The following FRY variants were observed in gnomAD, a reference collection of about 807,000 sequenced individuals.
FRY encodes protein furry homolog.
A neutral mutation model predicts 348.4 loss-of-function variants in FRY; 128 were observed. That is an observed-to-expected ratio of 0.37 (90% CI 0.32 to 0.43). The LOEUF is 0.43. Among genes scored for constraint, FRY ranks in the 20% least tolerant of loss-of-function variants. The pLI is 1.00. For missense variants in FRY, 2,736 were observed against 3,695.2 expected, an observed-to-expected ratio of 0.74 and a Z score of 6.73; for synonymous variants, 1,370 against 1,374.7, an observed-to-expected ratio of 1.00 and a Z score of 0.08.
intron 47 of FRY, among the ~76,000 whole-genome samples, chr13:32,244,917 C>T (rs1203374435): frequency 6.6e-6 from 1 of 152,158 alleles, no homozygotes; most frequent in African/African-American, 2.4e-5. Context: ...CAGGCAGCCT[C>T]CCTGGCAGGA....
intron 17 of FRY, among the ~76,000 whole-genome samples, chr13:32,167,418 G>A (rs1032463915): frequency 1.3e-5 from 2 of 152,166 alleles, no homozygotes; most frequent in Non-Finnish European, 1.5e-5. Context: ...GCTTGTAGAA[G>A]CATCACCCTG....
intron 41 of FRY, among the ~76,000 whole-genome samples, chr13:32,231,769 G>A (rs1885928098): frequency 1.3e-5 from 2 of 152,188 alleles, no homozygotes; most frequent in African/African-American, 4.8e-5. Context: ...TAAATACAGT[G>A]TGACTCCTTT....
chr13:32,122,440 T>C, intron 4 of FRY, among the ~76,000 whole-genome samples: 1 of 140,122 alleles, frequency 7.1e-6, no homozygotes, highest in African/African-American at 2.7e-5. Flanking sequence ...AGACTCCGCC[T>C]CAGAAAAAAA....
chr13:32,034,992 T>C (rs1011319551), intron 1 of FRY, among the ~76,000 whole-genome samples: 1 of 152,228 alleles, frequency 6.6e-6, no homozygotes, highest in Non-Finnish European at 1.5e-5. Context: ...TCACTCTCAG[T>C]TTCCTCATCT....
chr13:32,182,474 T>C (rs1292452805), intron 23 of FRY, among the ~76,000 whole-genome samples: 1 of 152,206 alleles, frequency 6.6e-6, no homozygotes, highest in Non-Finnish European at 1.5e-5. Context: ...TGTAAGTCAG[T>C]TTGCGGAGCA....
intron 31 of FRY, among the ~76,000 whole-genome samples, chr13:32,205,246 A>T (rs1195365058): frequency 2.0e-5 from 3 of 148,526 alleles, no homozygotes; most frequent in African/African-American, 7.4e-5. Context: ...AATGATTTTG[A>T]TACAGTATAG....
intron 1 of FRY, among the ~76,000 whole-genome samples, chr13:32,071,069 A>G (rs896984893): frequency 6.6e-6 from 1 of 152,074 alleles, no homozygotes; most frequent in African/African-American, 2.4e-5. Context: ...CCATTTGTCT[A>G]TATATCTATT....
chr13:32,194,459 G>A (rs758832207), intron 29 of FRY, among the ~76,000 whole-genome samples, 162 bp downstream of exon 29: 6 of 152,218 alleles, frequency 3.9e-5, no homozygotes, highest in Non-Finnish European at 7.3e-5. Context: ...TCCCTGTAAG[G>A]TTGCAGTTCC....
intron 14 of FRY, among the ~76,000 whole-genome samples, chr13:32,155,098 C>T (rs1244699053): frequency 6.6e-6 from 1 of 152,172 alleles, no homozygotes; most frequent in Non-Finnish European, 1.5e-5. Context: ...TCCATTCAAT[C>T]TTTGTGAGCT....
At chr13:32,048,882 T>G (rs1873170135) in intron 1 of FRY, among the ~76,000 whole-genome samples, 1 of 152,198 alleles carries the variant, frequency 6.6e-6, no homozygotes, top group African/African-American at 2.4e-5. Flanking sequence ...AGGAAGTGCC[T>G]GAGAGTCAAT....
chr13:32,234,822 A>C, intron 42 of FRY, 61 bp downstream of exon 42: 1 of 1,327,160 alleles, frequency 7.5e-7, no homozygotes, highest in Non-Finnish European at 1.1e-6. Flanking sequence ...AATGAGGTGT[A>C]AACTATTTTT....
intron 59 of FRY, among the ~76,000 whole-genome samples, chr13:32,290,756 G>A (rs569319076): frequency 5.7e-4 from 87 of 152,036 alleles, no homozygotes; most frequent in African/African-American, 1.8e-3. Context: ...GGACAGAAGC[G>A]CTAGGTATGG....
intron 17 of FRY, among the ~76,000 whole-genome samples, chr13:32,169,045 A>T (rs1411423050): frequency 1.3e-5 from 2 of 152,132 alleles, no homozygotes; most frequent in Non-Finnish European, 2.9e-5. Context: ...TTTGTTGGTG[A>T]TAATATCTGT....
At chr13:32,120,861 T>C (rs1593635523) in intron 4 of FRY, among the ~76,000 whole-genome samples, 1 of 152,174 alleles carries the variant, frequency 6.6e-6, no homozygotes, top group Non-Finnish European at 1.5e-5. Context: ...GGGGTTTCAC[T>C]ATGTTGGCCA....
chr13:32,216,838 CA>C (rs1267238705), intron 35 of FRY, among the ~76,000 whole-genome samples: 1 of 152,092 alleles, frequency 6.6e-6, no homozygotes, highest in African/African-American at 2.4e-5. Flanking sequence ...CACAAATGCC[CA>C]AAAGATATAA....
chr13:32,118,246 A>G (rs114141156), intron 4 of FRY, among the ~76,000 whole-genome samples: 1,838 of 152,322 alleles, frequency 0.012, 47 homozygotes, highest in African/African-American at 0.04. Flanking sequence ...TAAAAAAAAT[A>G]AAAGATTATT....
At chr13:32,247,753 T>A (rs1886878672) in intron 48 of FRY, among the ~76,000 whole-genome samples, 1 of 152,216 alleles carries the variant, frequency 6.6e-6, no homozygotes, top group South Asian at 2.1e-4. Flanking sequence ...AAGAGGTATT[T>A]AAAAATGGAA....
chr13:32,047,792 C>T (rs1345166005), intron 1 of FRY, among the ~76,000 whole-genome samples: 1 of 152,128 alleles, frequency 6.6e-6, no homozygotes, highest in African/African-American at 2.4e-5. Flanking sequence ...AGGCTGGTCT[C>T]GAGCTCCTGA....
At chr13:32,081,444 C>T (rs1215733267) in intron 2 of FRY, among the ~76,000 whole-genome samples, 2 of 152,188 alleles carry the variant, frequency 1.3e-5, no homozygotes, top group Admixed American at 6.5e-5. Context: ...TGTGCCTCAG[C>T]TTCCTTAGTA....
Sources: gnomAD v4.1 joint callset for allele counts (sites outside exome capture counted in the v4.1 genomes callset) on GRCh38, gnomAD v4.1.1 for gene constraint, MANE v1.5 for transcripts, NCBI Gene and HGNC (gene_info 2026-07-23, HGNC 2026-07-21) for gene names.